GPC5: variants seen among roughly 807,000 people sequenced by gnomAD.
The protein encoded by GPC5 is glypican 5, also known as glypican-5.
In GPC5, 47 loss-of-function variants were observed where a neutral mutation model predicts 53.9. The ratio of observed to expected loss-of-function variants is 0.87; its 90% CI spans 0.69 to 1.11. GPC5 has a LOEUF of 1.11. Among genes scored for constraint, GPC5 ranks in the 50% most tolerant of loss-of-function variants. GPC5 has a pLI of 0.00. For synonymous variants in GPC5, 286 were observed against 263.3 expected, an observed-to-expected ratio of 1.09 and a Z score of -0.84; for missense variants, 748 against 713.1, an observed-to-expected ratio of 1.05 and a Z score of -0.56.
At chr13:91,902,711 G>T (rs1412104635) in intron 5 of GPC5, among the ~76,000 whole-genome samples, 1 of 151,872 alleles carries the variant, frequency 6.6e-6, no homozygotes, top group African/African-American at 2.4e-5. Context: ...TGTCACGAGG[G>T]GAACTCAAAT....
chr13:92,701,011 A>ATTCT (rs1363156395), intron 7 of GPC5, among the ~76,000 whole-genome samples: 1 of 152,020 alleles, frequency 6.6e-6, no homozygotes, highest in Non-Finnish European at 1.5e-5. Flanking sequence ...ATTCTTCCCA[A>ATTCT]TTCTTTGCTG....
chr13:92,754,402 T>C (rs894858720), intron 7 of GPC5, among the ~76,000 whole-genome samples: 1 of 152,002 alleles, frequency 6.6e-6, no homozygotes, highest in Non-Finnish European at 1.5e-5. Flanking sequence ...CCATCAAGAA[T>C]AGGAAGAAAC....
At chr13:92,379,389 G>A (rs1347578260) in intron 7 of GPC5, among the ~76,000 whole-genome samples, 1 of 152,174 alleles carries the variant, frequency 6.6e-6, no homozygotes, top group African/African-American at 2.4e-5. Flanking sequence ...CTCTGGTCCT[G>A]ATTCCTCCAT....
At chr13:91,550,152 A>G (rs1362177885) in intron 2 of GPC5, among the ~76,000 whole-genome samples, 1 of 152,162 alleles carries the variant, frequency 6.6e-6, no homozygotes, top group Admixed American at 6.6e-5. Flanking sequence ...ATGGCTACAT[A>G]CAGCCCAATT....
intron 6 of GPC5, among the ~76,000 whole-genome samples, chr13:92,047,213 T>A (rs2040988865): frequency 1.3e-5 from 2 of 152,170 alleles, no homozygotes; most frequent in Non-Finnish European, 2.9e-5. Flanking sequence ...GGCAAGATGG[T>A]TTAGATCATC....
At chr13:92,660,891 T>C (rs2039372756) in intron 7 of GPC5, among the ~76,000 whole-genome samples, 2 of 152,108 alleles carry the variant, frequency 1.3e-5, no homozygotes, top group Admixed American at 1.3e-4. Context: ...ATTGAATTTT[T>C]ATTTTTTTAA....
At chr13:92,331,682 GT>G (rs5805739) in intron 7 of GPC5, among the ~76,000 whole-genome samples, 55,036 of 147,466 alleles carry the variant, frequency 0.37, 10,109 homozygotes, top group Middle Eastern at 0.46. Flanking sequence ...TATACATAGG[GT>G]TTTTTTTTTT....
intron 1 of GPC5, among the ~76,000 whole-genome samples, chr13:91,436,710 G>C (rs1387254323): frequency 2.0e-5 from 3 of 152,134 alleles, no homozygotes; most frequent in African/African-American, 7.2e-5. Flanking sequence ...GGTCTGCTTG[G>C]TGCAGAGCTG....
At chr13:92,297,218 T>C (rs2043042885) in intron 7 of GPC5, among the ~76,000 whole-genome samples, 1 of 152,204 alleles carries the variant, frequency 6.6e-6, no homozygotes, top group South Asian at 2.1e-4. Flanking sequence ...TCAAGGTTTG[T>C]GAGTGCACCA....
intron 7 of GPC5, among the ~76,000 whole-genome samples, chr13:92,633,563 A>G (rs1314557918): frequency 2.0e-5 from 3 of 152,102 alleles, no homozygotes; most frequent in Non-Finnish European, 4.4e-5. Flanking sequence ...CTACTCATTT[A>G]TGTACTTTTA....
rs73607091 is a variant in GPC5, at chr13:91,714,943, G to T, written c.1021-13589G>T. Among the ~76,000 whole-genome samples, 258 of 152,344 alleles carry T rather than the reference G, an allele frequency of 1.7e-3. 2 individuals carry two copies. The highest frequency in any genetic ancestry group is 5.9e-3 in the African/African-American group (247 of 41,586). The stretch of plus-strand genomic sequence containing the variant: ...CAGGCAGTGTTGCAGCTCTGTGACT[G>T]CTCCTGCAGAGCAGAGCTCCTCCAT... On this transcript the variant is annotated intron_variant, in intron 3 of 7. Transcript: ENST00000377067.
intron 7 of GPC5, among the ~76,000 whole-genome samples, chr13:92,635,080 A>G (rs1182094788): frequency 6.6e-6 from 1 of 152,038 alleles, no homozygotes; most frequent in Non-Finnish European, 1.5e-5. Context: ...TATAGTTCTT[A>G]TAATTATTTT....
At chr13:92,646,717 C>A (rs976089760) in intron 7 of GPC5, among the ~76,000 whole-genome samples, 9 of 151,220 alleles carry the variant, frequency 6.0e-5, no homozygotes, top group African/African-American at 2.2e-4. Context: ...TTTTAATTTC[C>A]AGTACACAAA....
chr13:92,666,491 C>A lies in GPC5; in HGVS notation c.1562-199791C>A, dbSNP rs181509105. ...TTTGTTCTAATTAAAAAAATGCTAT[C>A]AATAATAAAAATGCTAATTATACAT... On this transcript the variant is annotated intron_variant, in intron 7 of 7. Transcript: ENST00000377067. Among the ~76,000 whole-genome samples, 3 of 149,866 alleles carry A rather than the reference C, an allele frequency of 2.0e-5. No individual in the cohort carries two copies. The Admixed American group carries it at 2.0e-4, about 10-fold the overall frequency.
At chr13:92,819,236 C>T (rs923560654) in intron 7 of GPC5, among the ~76,000 whole-genome samples, 1 of 151,588 alleles carries the variant, frequency 6.6e-6, no homozygotes, top group Non-Finnish European at 1.5e-5. Context: ...AGGATATTTC[C>T]TTCTCATTTC....
At chr13:91,851,858 C>A (rs1346142688) in intron 5 of GPC5, among the ~76,000 whole-genome samples, 1 of 142,320 alleles carries the variant, frequency 7.0e-6, no homozygotes, top group African/African-American at 2.7e-5. Flanking sequence ...GCATAGTATT[C>A]CATGGTGTAT....
intron 7 of GPC5, chr13:92,240,906 T>C (rs2042607403): frequency 6.6e-6 from 1 of 152,218 alleles, no homozygotes; most frequent in African/African-American, 2.4e-5. Flanking sequence ...GGAAGACATC[T>C]CTGTATTAAA....
intron 6 of GPC5, among the ~76,000 whole-genome samples, chr13:92,024,706 G>C (rs2040786671): frequency 6.6e-6 from 1 of 152,002 alleles, no homozygotes; most frequent in African/African-American, 2.4e-5. Context: ...AAACTGTGGA[G>C]GCATATTTCA....
intron 1 of GPC5, among the ~76,000 whole-genome samples, chr13:91,418,433 T>C (rs139423984): frequency 3.9e-5 from 6 of 152,260 alleles, no homozygotes; most frequent in Admixed American, 2.0e-4. Context: ...GATTGTAGAA[T>C]TGACACAAGC....
Sources: allele counts gnomAD v4.1 joint callset (sites outside exome capture counted in the v4.1 genomes callset), GRCh38; gene constraint gnomAD v4.1.1; transcripts MANE v1.5; gene names NCBI Gene and HGNC (gene_info 2026-07-23, HGNC 2026-07-21).